Variants in ABRAXAS2 observed in about 807,000 individuals in gnomAD.
The protein encoded by ABRAXAS2 is BRISC complex subunit Abraxas 2.
Under a neutral mutation model 49.0 loss-of-function variants are expected in ABRAXAS2, and 23 were observed. That is an observed-to-expected ratio of 0.47 (90% CI 0.34 to 0.66). The LOEUF is 0.66. Among genes scored for constraint, ABRAXAS2 ranks in the 30% least tolerant of loss-of-function variants. ABRAXAS2 has a pLI of 0.01. For synonymous variants in ABRAXAS2, 168 were observed against 180.2 expected, an observed-to-expected ratio of 0.93 and a Z score of 0.54; for missense variants, 443 against 511.9, an observed-to-expected ratio of 0.87 and a Z score of 1.30.
chr10:124,822,975 G>T (rs1950871957), intron 4 of ABRAXAS2, among the ~76,000 whole-genome samples: 1 of 151,914 alleles, frequency 6.6e-6, no homozygotes, highest in Non-Finnish European at 1.5e-5. Flanking sequence ...GTTAAAAGTT[G>T]GTCTATAGTT....
chr10:124,806,438 T>C (rs1038833362), intron 1 of ABRAXAS2, among the ~76,000 whole-genome samples: 1 of 152,244 alleles, frequency 6.6e-6, no homozygotes, highest in Non-Finnish European at 1.5e-5. Context: ...GTTACCTTTA[T>C]CTTTTCATCA....
chr10:124,807,374 C>T (rs1038881470), intron 2 of ABRAXAS2, among the ~76,000 whole-genome samples: 29 of 150,818 alleles, frequency 1.9e-4, no homozygotes, highest in African/African-American at 4.1e-4. Context: ...AAAATAAGGC[C>T]GGCCATGGTG....
chr10:124,801,874 C>A lies in ABRAXAS2; in HGVS notation c.45C>A (p.Phe15Leu), dbSNP rs768021357. 39 of 1,613,172 alleles carry A rather than the reference C, an allele frequency of 2.4e-5. No individual in the cohort carries two copies. In the South Asian group the frequency reaches 4.2e-4, roughly 17 times the overall value. The change falls in exon 1 of 9, where the codon TTC becomes TTA. Residue 15 changes from phenylalanine to leucine, a missense_variant. Physicochemically the swap from Phe to Leu is conservative, Grantham distance 22. This residue lies in a region of ABRAXAS2 where 47 missense variants were observed against 27.6 expected (regional missense o/e 1.70). Transcript: ENST00000298492. The stretch of plus-strand genomic sequence containing the variant: ...GCTACACCTTCAGTGCTGTGTGTTT[C>A]CACAGCGCCAACAGCAACGCGGACC... ...ISGYTFSAVC[F>L]HSANSNADHE...
At chr10:124,811,553 C>T (rs756088041) in intron 2 of ABRAXAS2, among the ~76,000 whole-genome samples, 5 of 151,814 alleles carry the variant, frequency 3.3e-5, no homozygotes, top group South Asian at 2.1e-4. Context: ...CTAGCTAACA[C>T]GGTGAAACTC....
intron 5 of ABRAXAS2, among the ~76,000 whole-genome samples, chr10:124,827,279 C>G (rs1384362504): frequency 6.6e-6 from 1 of 151,030 alleles, no homozygotes; most frequent in Non-Finnish European, 1.5e-5. Flanking sequence ...CTTGCCTCAG[C>G]CTCTCGAGTA....
At position 124,820,473 on chromosome 10, in the gene ABRAXAS2, C is replaced by CT. The variant is rs201478453; in HGVS notation, c.267+1031dup. On this transcript the variant is annotated intron_variant, in intron 4 of 8. Coordinates refer to ENST00000298492, the MANE Select transcript of ABRAXAS2 (RefSeq NM_032182.4). ...TTTTAAATTATGAATCTTCATTATA[C>CT]TTTTTTTTAAAGTTTTTTATTTTTT... Among the ~76,000 whole-genome samples, 338 of 152,014 alleles carry CT rather than the reference C, an allele frequency of 2.2e-3. 1 individual carries two copies. Among genetic ancestry groups the CT allele is most frequent in the African/African-American group, 7.9e-3 (326 of 41,484 alleles).
Position 124,826,719 on chromosome 10 carries a change from G to C in ABRAXAS2, c.392G>C (p.Ser131Thr). The change falls in exon 5 of 9, where the codon AGC becomes ACC. Residue 131 changes from serine (S) to threonine (T), a missense_variant. This residue lies in a region of ABRAXAS2 where 166 missense variants were observed against 247.3 expected (regional missense o/e 0.67). Transcript: ENST00000298492. ...CCCGACCTCGTCTTTCTTCTCTTCA[G>C]CTTCATCTCCACTGCCAACAATTCC... is the stretch of plus-strand genomic sequence containing the variant. ...GVPDLVFLLF[S>T]FISTANNSTH... is the part of the protein sequence containing the mutation. 6.2e-7 allele frequency: 1 copy of C among 1,614,156 alleles called. No individual in the cohort carries two copies. Among genetic ancestry groups the C allele is most frequent in the Non-Finnish European group, 8.5e-7 (1 of 1,180,026 alleles).
intron 1 of ABRAXAS2, among the ~76,000 whole-genome samples, chr10:124,804,861 GCACCACCA>G (rs1950730075): frequency 6.6e-6 from 1 of 151,262 alleles, no homozygotes; most frequent in African/African-American, 2.4e-5. Flanking sequence ...TTACAGGTGC[GCACCACCA>G]CACCCATCTA....
At chr10:124,829,605 C>G (rs1376364004) in intron 7 of ABRAXAS2, 128 bp downstream of exon 7, 1 of 624,228 alleles carries the variant, frequency 1.6e-6, no homozygotes, top group Non-Finnish European at 2.7e-6. Context: ...TCTGCTTTCC[C>G]AGAACAGAGT....
chr10:124,826,566 T>G, intron 4 of ABRAXAS2, 29 bp from the exon 5 acceptor site: 1 of 1,595,772 alleles, frequency 6.3e-7, no homozygotes, highest in African/African-American at 1.3e-5. Context: ...TTGTAAGATT[T>G]CATGCAACTT....
At chr10:124,829,321 C>A in intron 6 of ABRAXAS2, 72 bp from the exon 7 acceptor site, 1 of 989,448 alleles carries the variant, frequency 1.0e-6, no homozygotes, top group Non-Finnish European at 1.6e-6. Context: ...GTGGAAGAGG[C>A]AGGAAAAATG....
Position 124,806,922 on chromosome 10 carries a change from G to A in ABRAXAS2, c.163+1G>A. Reference sequence around the variant, plus strand: ...AACACAGAATTTCTGCAAGTAATTGGTAAGTAAATTTCTCAATGACCTTAG... The same window carrying A: ...AACACAGAATTTCTGCAAGTAATTGATAAGTAAATTTCTCAATGACCTTAG... On this transcript the variant is annotated splice_donor_variant, in intron 2 of 8. Transcript: ENST00000298492. LOFTEE classifies it high-confidence loss of function. 1 of 1,590,482 alleles carries A rather than the reference G, an allele frequency of 6.3e-7. No homozygotes were observed. The highest frequency in any genetic ancestry group is 8.6e-7 in the Non-Finnish European group (1 of 1,160,832).
chr10:124,806,722 G>T (rs1180005567), intron 1 of ABRAXAS2, 109 bp from the exon 2 acceptor site: 2 of 701,282 alleles, frequency 2.9e-6, no homozygotes, highest in Non-Finnish European at 4.7e-6. Flanking sequence ...TGGGAAGCTT[G>T]TTTGGATTAT....
At chr10:124,829,610 C>A (rs1431432654) in intron 7 of ABRAXAS2, 133 bp downstream of exon 7, 10 of 607,670 alleles carry the variant, frequency 1.6e-5, no homozygotes, top group Non-Finnish European at 2.8e-5. Flanking sequence ...TTTCCCAGAA[C>A]AGAGTCAAGC....
chr10:124,802,047 C>CGG, intron 1 of ABRAXAS2, 146 bp downstream of exon 1: 1 of 730,760 alleles, frequency 1.4e-6, no homozygotes, highest in Non-Finnish European at 2.2e-6. Context: ...GCGGCTCCCG[C>CGG]CCCCGGTGAG....
intron 4 of ABRAXAS2, among the ~76,000 whole-genome samples, chr10:124,821,091 T>C (rs1225583545): frequency 1.3e-5 from 2 of 151,884 alleles, no homozygotes; most frequent in South Asian, 4.1e-4. Context: ...TTTTTTGTTT[T>C]TAGTACAAAC....
chr10:124,834,570 A>T lies in ABRAXAS2; in HGVS notation c.847A>T (p.Met283Leu), dbSNP rs914296931. The T allele has an allele frequency of 1.2e-6, 2 of 1,614,196 alleles. No individual in the cohort carries two copies. Among genetic ancestry groups the T allele is most frequent in the Admixed American group, 3.3e-5 (2 of 60,026 alleles). ...ESLDPAFSPR[M>L]PSSGFAAEGR... ...CTTGGACCCAGCGTTCAGTCCTCGGATGCCGTCCTCTGGGTTTGCAGCTGA... is the reference window on the plus strand; with the variant it reads ...CTTGGACCCAGCGTTCAGTCCTCGGTTGCCGTCCTCTGGGTTTGCAGCTGA... The change falls in exon 9 of 9, where the codon ATG becomes TTG. Residue 283 changes from methionine (M) to leucine (L), a missense_variant. By Grantham distance (15) the Met-to-Leu change is conservative. Around this residue, in one of 3 missense-constraint regions of ABRAXAS2, gnomAD observed 230 missense variants for 237.0 expected, o/e 0.97. Coordinates refer to ENST00000298492, the MANE Select transcript of ABRAXAS2 (RefSeq NM_032182.4).
chr10:124,805,210 G>A (rs918946136), intron 1 of ABRAXAS2, among the ~76,000 whole-genome samples: 1 of 151,946 alleles, frequency 6.6e-6, no homozygotes. Flanking sequence ...GCGGGCGCCT[G>A]TAGTCCCAGC....
rs376883156 is a variant in ABRAXAS2 at position 124,826,633 on chromosome 10, G to A, written c.306G>A (p.Gln102=). 42 of 1,614,024 alleles carry A rather than the reference G, an allele frequency of 2.6e-5. No individual in the cohort carries two copies. In the African/African-American group the frequency reaches 5.2e-4, roughly 20 times the overall value. Residue 102 remains glutamine, a synonymous_variant, in exon 5 of 9, where the codon CAG becomes CAA. Coordinates refer to ENST00000298492, the MANE Select transcript of ABRAXAS2 (RefSeq NM_032182.4). ...IGWYRFRRNT[Q]QQMSYREQVL... ...GGTACAGATTCCGGCGCAATACGCA[G>A]CAGCAGATGTCCTACAGAGAGCAGG...
Sources: gnomAD v4.1 joint callset for allele counts (sites outside exome capture counted in the v4.1 genomes callset) on GRCh38, gnomAD v4.1.1 for gene constraint, gnomAD v4.1.1 regional missense constraint, MANE v1.5 for transcripts, NCBI Gene and HGNC (gene_info 2026-07-23, HGNC 2026-07-21) for gene names.